Variants in PTPRS observed in about 807,000 individuals in gnomAD.
PTPRS encodes protein tyrosine phosphatase receptor type S, also known as receptor-type tyrosine-protein phosphatase S.
A neutral mutation model predicts 215.3 loss-of-function variants in PTPRS; 63 were observed. The observed-to-expected ratio is 0.29, with a 90% CI of 0.24 to 0.36. The LOEUF (loss-of-function observed/expected upper bound fraction) is 0.36, where lower values mean the gene tolerates loss of function less well. Ranked by LOEUF, PTPRS falls within the 10% of genes least tolerant of loss-of-function variation. The pLI, the probability that PTPRS is intolerant of heterozygous loss-of-function variation, is 1.00. For missense variants in PTPRS, 2,258 were observed against 2,825.8 expected, an observed-to-expected ratio of 0.80 and a Z score of 4.56; for synonymous variants, 1,404 against 1,191.4, an observed-to-expected ratio of 1.18 and a Z score of -3.68.
chr19:5,331,926 G>A (rs1334891715), intron 1 of PTPRS, among the ~76,000 whole-genome samples: 4 of 152,180 alleles, frequency 2.6e-5, no homozygotes, highest in Non-Finnish European at 5.9e-5. Flanking sequence ...TATCACACTG[G>A]TGCCTCTAAA....
At chr19:5,208,608 G>A (rs1169940484) in intron 35 of PTPRS, among the ~76,000 whole-genome samples, 4 of 151,940 alleles carry the variant, frequency 2.6e-5, no homozygotes, top group African/African-American at 7.3e-5. Flanking sequence ...TCAGCCTCCC[G>A]ATTAGCTGGG....
At chr19:5,290,500 T>G (rs1292909308) in intron 1 of PTPRS, among the ~76,000 whole-genome samples, 1 of 152,108 alleles carries the variant, frequency 6.6e-6, no homozygotes, top group African/African-American at 2.4e-5. Context: ...GCCGGCTTTG[T>G]GTGCCCACGC....
At chr19:5,267,252 C>T (rs1253264802) in intron 4 of PTPRS, among the ~76,000 whole-genome samples, 1 of 152,040 alleles carries the variant, frequency 6.6e-6, no homozygotes, top group Non-Finnish European at 1.5e-5. Flanking sequence ...AACTCAGGTC[C>T]CTGGAATCTC....
At chr19:5,212,603 G>A in intron 30 of PTPRS, 112 bp from the exon 31 acceptor site, 1 of 1,312,718 alleles carries the variant, frequency 7.6e-7, no homozygotes, top group South Asian at 1.4e-5. Context: ...CAGCACTTTG[G>A]GAGGCCGAGG....
intron 1 of PTPRS, among the ~76,000 whole-genome samples, chr19:5,312,075 CAT>C (rs1206318381): frequency 2.0e-5 from 3 of 151,818 alleles, no homozygotes; most frequent in African/African-American, 7.3e-5. Context: ...ACGCATCCCA[CAT>C]GACATCTCCT....
At chr19:5,289,936 T>A (rs2048672765) in intron 1 of PTPRS, among the ~76,000 whole-genome samples, 1 of 152,182 alleles carries the variant, frequency 6.6e-6, no homozygotes, top group Admixed American at 6.5e-5. Context: ...CTCCACCATG[T>A]CCTCTTGCAA....
chr19:5,223,182 A>T lies in PTPRS; in HGVS notation c.2610T>A (p.Phe870Leu). The change falls in exon 18 of 38, where the codon TTT becomes TTA. Residue 870 changes from phenylalanine to leucine, a missense_variant. By Grantham distance (22) the Phe-to-Leu change is conservative. This residue lies in a region of PTPRS where 361 missense variants were observed against 332.6 expected (regional missense o/e 1.09). Coordinates refer to ENST00000262963, the MANE Select transcript of PTPRS (RefSeq NM_002850.4). ...EDQVLGYRLQ[F>L]GREDSTPLAT... ...CCAGGGGCGTCGAGTCCTCACGGCC[A>T]AACTGCAGGCGGTAGCCCAGCACCT... The T allele has an allele frequency of 6.4e-7, 1 of 1,559,534 alleles. No homozygotes were observed.
chr19:5,212,753 G>A (rs1218021491), intron 30 of PTPRS, among the ~76,000 whole-genome samples: 1 of 152,004 alleles, frequency 6.6e-6, no homozygotes, highest in Non-Finnish European at 1.5e-5. Flanking sequence ...TGAGGCAGGA[G>A]AATTGCTTGA....
chr19:5,207,878 G>A (rs376613782), intron 37 of PTPRS, 44 bp downstream of exon 37: 121 of 1,602,854 alleles, frequency 7.5e-5, no homozygotes, highest in Non-Finnish European at 9.4e-5. Context: ...AGGGGCAGTC[G>A]GGGCGTGAGG....
intron 16 of PTPRS, among the ~76,000 whole-genome samples, chr19:5,228,277 G>A (rs1191610894): frequency 1.3e-5 from 2 of 150,070 alleles, no homozygotes; most frequent in Non-Finnish European, 3.0e-5. Flanking sequence ...CCCAGGAGGT[G>A]GAGGTTGCAG....
At chr19:5,224,252 G>A (rs181144774) in intron 17 of PTPRS, among the ~76,000 whole-genome samples, 148 of 152,298 alleles carry the variant, frequency 9.7e-4, no homozygotes, top group African/African-American at 3.0e-3. Flanking sequence ...AGGGAACCAC[G>A]AGAAGATCTG....
chr19:5,212,109 C>G lies in PTPRS; in HGVS notation c.4911G>C (p.Gln1637His), dbSNP rs1344826234. 8 of 1,614,112 alleles carry G rather than the reference C, an allele frequency of 5.0e-6. No homozygotes were observed. The highest frequency in any genetic ancestry group is 5.9e-6 in the Non-Finnish European group (7 of 1,180,058). ...GCAGGGCCTCGTGGATGAAGCTGTACTGGTCCTCCGTCTGCACCATGTAGT... is the reference window on the plus strand; with the variant it reads ...GCAGGGCCTCGTGGATGAAGCTGTAGTGGTCCTCCGTCTGCACCATGTAGT... Reference protein sequence around the residue: ...QRNYMVQTEDQYSFIHEALLE... With the variant: ...QRNYMVQTEDHYSFIHEALLE... Residue 1637 changes from glutamine to histidine, a missense_variant, in exon 32 of 38, where the codon CAG becomes CAC. This residue lies in a region of PTPRS where 927 missense variants were observed against 1,125.9 expected (regional missense o/e 0.82). Coordinates refer to ENST00000262963, the MANE Select transcript of PTPRS (RefSeq NM_002850.4).
chr19:5,264,313 AC>A (rs2046248204), intron 5 of PTPRS, among the ~76,000 whole-genome samples: 1 of 152,084 alleles, frequency 6.6e-6, no homozygotes, highest in Non-Finnish European at 1.5e-5. Context: ...TTCTCACTGG[AC>A]GTGCCTAATG....
rs747212154 is a variant in PTPRS, at chr19:5,222,150, G to A, written c.3174C>T (p.Asp1058=). ...TSVLLSWEFP[D]NYNSPTPYKI... ...TGTAGGGTGTGGGTGAGTTGTAGTT[G>A]TCAGGGAACTCCCAGCTGAGCAGAA... The change falls in exon 19 of 38, where the codon GAC becomes GAT. Residue 1058 remains aspartate (D), a synonymous_variant. Transcript: ENST00000262963. 5.0e-6 allele frequency: 8 copies of A among 1,613,840 alleles called. No homozygotes were observed. In the African/African-American group the frequency reaches 5.3e-5, roughly 11 times the overall value.
rs912026736 is a variant in PTPRS, at chr19:5,222,872, C to T, written c.2920G>A (p.Ala974Thr). ...KYTVAVREAGALGPARETELP... is the reference protein window; with the variant it reads ...KYTVAVREAGTLGPARETELP... The stretch of plus-strand genomic sequence containing the variant: ...TCAGTCTCTCGGGCAGGGCCCAGGG[C>T]ACCGGCCTCCCGCACGGCCACCGTG... The change falls in exon 18 of 38, where the codon GCC (alanine) becomes ACC (threonine). Residue 974 changes from alanine to threonine, a missense_variant. By Grantham distance (58) the Ala-to-Thr change is moderately conservative. Coordinates refer to ENST00000262963, the MANE Select transcript of PTPRS (RefSeq NM_002850.4). 1 of 1,582,800 alleles carries T rather than the reference C, an allele frequency of 6.3e-7. No homozygotes were observed. The highest frequency in any genetic ancestry group is 1.7e-5 in the Admixed American group (1 of 58,110).
chr19:5,218,956 T>TC, intron 23 of PTPRS, 158 bp from the exon 24 acceptor site: 1 of 783,902 alleles, frequency 1.3e-6, no homozygotes, highest in South Asian at 1.8e-5. Context: ...TTCCTGTTTG[T>TC]CCCCCTGCCT....
Position 5,220,216 on chromosome 19 carries a change from CTG to C in PTPRS, c.3549+42_3549+43del, listed in dbSNP as rs750344091. ...CTGGGAGCAACAGAGCACGTGAAAACTGGAATGCATCTGGGCCCTGCGGGTTG... is the reference window on the plus strand; with the variant it reads ...CTGGGAGCAACAGAGCACGTGAAAACGAATGCATCTGGGCCCTGCGGGTTG... On this transcript the variant is annotated intron_variant, in intron 21 of 37. Transcript: ENST00000262963. 6.2e-6 allele frequency: 10 copies of C among 1,609,968 alleles called. No homozygotes were observed. In the Admixed American group the frequency reaches 6.7e-5, roughly 11 times the overall value.
intron 13 of PTPRS, among the ~76,000 whole-genome samples, chr19:5,234,672 C>A (rs112290105): frequency 3.4e-4 from 52 of 152,268 alleles, no homozygotes; most frequent in African/African-American, 1.2e-3. Context: ...GCATATTAAA[C>A]CCCTACTGCG....
intron 9 of PTPRS, among the ~76,000 whole-genome samples, 197 bp downstream of exon 9, chr19:5,255,911 G>A (rs149509606): frequency 7.2e-5 from 11 of 152,248 alleles, no homozygotes; most frequent in African/African-American, 2.2e-4. Flanking sequence ...CTCGCTTGGC[G>A]GTTTTTTGTT....
Sources: allele counts gnomAD v4.1 joint callset (sites outside exome capture counted in the v4.1 genomes callset), GRCh38; gene constraint gnomAD v4.1.1; regional missense constraint gnomAD v4.1.1; transcripts MANE v1.5; gene names NCBI Gene and HGNC (gene_info 2026-07-23, HGNC 2026-07-21).